The following TMEM60 variants were observed in gnomAD, a reference collection of about 807,000 sequenced individuals.
The protein encoded by TMEM60 is transmembrane protein 60.
A neutral mutation model predicts 10.7 loss-of-function variants in TMEM60; 4 were observed. The observed-to-expected ratio is 0.37, with a 90% CI of 0.18 to 0.86. The LOEUF (loss-of-function observed/expected upper bound fraction) is 0.86. Among genes scored for constraint, TMEM60 ranks in the 40% least tolerant of loss-of-function variants. The pLI, the probability that TMEM60 is intolerant of heterozygous loss-of-function variation, is 0.43. For synonymous variants in TMEM60, 56 were observed against 58.1 expected (o/e 0.96, Z 0.17); for missense variants, 128 against 153.4 (o/e 0.83, Z 0.88).
At chr7:77,795,335 C>T (rs1262758848) in intron 1 of TMEM60, among the ~76,000 whole-genome samples, 2 of 152,110 alleles carry the variant, frequency 1.3e-5, no homozygotes, top group Non-Finnish European at 2.9e-5. Context: ...GTCTGGGCAA[C>T]ATGGCGAAAC....
intron 1 of TMEM60, among the ~76,000 whole-genome samples, chr7:77,796,580 T>C (rs137913565): frequency 8.5e-5 from 13 of 152,182 alleles, no homozygotes; most frequent in Non-Finnish European, 1.9e-4. Flanking sequence ...ATAGGGTATA[T>C]GAAACTGAAA....
chr7:77,794,542 C>T, intron 1 of TMEM60, 119 bp from the exon 2 acceptor site: 1 of 605,296 alleles, frequency 1.7e-6, no homozygotes, highest in Non-Finnish European at 2.6e-6. Context: ...AAACATTCTA[C>T]TATTCTTCCT....
chr7:77,794,145 T>C lies in TMEM60; in HGVS notation c.229A>G (p.Lys77Glu), dbSNP rs1408897304. 1.2e-6 allele frequency: 2 copies of C among 1,613,356 alleles called. No homozygotes were observed. The highest frequency in any genetic ancestry group is 1.7e-6 in the Non-Finnish European group (2 of 1,179,884). ...AACATTGCAATGAGGTACCAGGCTT[T>C]TTTTTTAATATTGTGTGATCCATGT... ...PRHGSHNIKK[K>E]AWYLIAMLLK... The change falls in exon 2 of 2, where the codon AAA (lysine) becomes GAA (glutamate). Residue 77 changes from lysine to glutamate, a missense_variant. By Grantham distance (56) the Lys-to-Glu change is moderately conservative. Transcript: ENST00000257663.
chr7:77,795,178 T>C (rs1792154863), intron 1 of TMEM60, among the ~76,000 whole-genome samples: 1 of 151,636 alleles, frequency 6.6e-6, no homozygotes, highest in Non-Finnish European at 1.5e-5. Context: ...AATCCATCAA[T>C]AAAAGGAGGG....
At chr7:77,795,932 T>C (rs1792163255) in intron 1 of TMEM60, among the ~76,000 whole-genome samples, 1 of 150,264 alleles carries the variant, frequency 6.7e-6, no homozygotes, top group South Asian at 2.1e-4. Flanking sequence ...GTTGTTCTCT[T>C]TTCTAGAATT....
chr7:77,797,073 C>G (rs1276217124), intron 1 of TMEM60, among the ~76,000 whole-genome samples: 2 of 152,152 alleles, frequency 1.3e-5, no homozygotes, highest in African/African-American at 4.8e-5. Flanking sequence ...CGGCCAGAGG[C>G]TGCCATAGAG....
In TMEM60 at chr7:77,794,242, T is replaced by C. The variant is rs1792144843; in HGVS notation, c.132A>G (p.Ile44Met). 6.2e-7 allele frequency: 1 copy of C among 1,613,894 alleles called. No homozygotes were observed. The highest frequency in any genetic ancestry group is 1.1e-5 in the South Asian group (1 of 91,064). Residue 44 changes from isoleucine (I) to methionine (M), a missense_variant, in exon 2 of 2, where the codon ATA (isoleucine) becomes ATG (methionine). Physicochemically the swap from Ile to Met is conservative, Grantham distance 10. Transcript: ENST00000257663. Reference sequence around the variant, plus strand: ...GCAGGACAAGAAGGATAGTATCAAATATCCAGACTGGAATGAATATGAGGA... The same window carrying C: ...GCAGGACAAGAAGGATAGTATCAAACATCCAGACTGGAATGAATATGAGGA... The part of the protein sequence containing the change: ...NWFLIFIPVW[I>M]FDTILLVLLI...
Position 77,795,006 on chromosome 7 carries a change from T to A in TMEM60, c.-50-583A>T, listed in dbSNP as rs547418520. On this transcript the variant is annotated intron_variant, in intron 1 of 1. Coordinates refer to ENST00000257663, the MANE Select transcript of TMEM60 (RefSeq NM_032936.4). ...CTGCCTCTACAAAAAATAAAAAAAT[T>A]GGCAAGGCGTGGTGGTATGCACCTT... 1.1e-4 allele frequency among the ~76,000 whole-genome samples: 16 copies of A among 152,134 alleles called. No homozygotes were observed. In the South Asian group the frequency reaches 3.3e-3, roughly 32 times the overall value.
chr7:77,797,121 G>A (rs1389703146), intron 1 of TMEM60, among the ~76,000 whole-genome samples: 5 of 152,198 alleles, frequency 3.3e-5, no homozygotes, highest in East Asian at 1.9e-4. Context: ...GGGTTGGAGG[G>A]GTGTGTGTTG....
At chr7:77,795,512 TC>T (rs1462796364) in intron 1 of TMEM60, among the ~76,000 whole-genome samples, 1 of 117,616 alleles carries the variant, frequency 8.5e-6, no homozygotes, top group Non-Finnish European at 1.8e-5. Context: ...GAGACCACTG[TC>T]TAAAAAAAAA....
chr7:77,797,098 G>T (rs371430845), intron 1 of TMEM60, among the ~76,000 whole-genome samples: 1 of 152,196 alleles, frequency 6.6e-6, no homozygotes, highest in Non-Finnish European at 1.5e-5. Context: ...ATGTGGGACT[G>T]AATTTGGAAG....
chr7:77,797,766 A>C (rs1792216013), intron 1 of TMEM60, among the ~76,000 whole-genome samples: 1 of 152,200 alleles, frequency 6.6e-6, no homozygotes, highest in Non-Finnish European at 1.5e-5. Flanking sequence ...GCTGGGTATC[A>C]GCCCCCATTT....
chr7:77,796,395 CTACT>C (rs1792167703), intron 1 of TMEM60, among the ~76,000 whole-genome samples: 1 of 152,152 alleles, frequency 6.6e-6, no homozygotes, highest in African/African-American at 2.4e-5. Flanking sequence ...ATATGTTCCT[CTACT>C]TAAGTTTTTT....
intron 1 of TMEM60, among the ~76,000 whole-genome samples, chr7:77,795,866 A>G (rs1356438936): frequency 6.6e-6 from 1 of 151,978 alleles, no homozygotes; most frequent in East Asian, 1.9e-4. Context: ...CTAATACTAT[A>G]TGACTTAGTG....
At chr7:77,794,567 A>C (rs901344003) in intron 1 of TMEM60, 144 bp from the exon 2 acceptor site, 20 of 533,840 alleles carry the variant, frequency 3.7e-5, no homozygotes, top group Admixed American at 7.7e-5. Flanking sequence ...AATCCTCTAA[A>C]ACTTAGTGAT....
chr7:77,796,991 T>C (rs1792183180), intron 1 of TMEM60, among the ~76,000 whole-genome samples: 1 of 152,204 alleles, frequency 6.6e-6, no homozygotes. Flanking sequence ...CTTGTTTACT[T>C]AATTGGCAAA....
intron 1 of TMEM60, among the ~76,000 whole-genome samples, chr7:77,797,278 A>C (rs967469279): frequency 2.0e-5 from 3 of 152,196 alleles, no homozygotes; most frequent in African/African-American, 7.2e-5. Flanking sequence ...GGATAAGACA[A>C]GCTTCATTTT....
chr7:77,794,930 CA>C (rs2150440192), intron 1 of TMEM60, among the ~76,000 whole-genome samples: 1 of 152,174 alleles, frequency 6.6e-6, no homozygotes, highest in South Asian at 2.1e-4. Context: ...AGAAGGCAGG[CA>C]TATCATTTGA....
At chr7:77,794,752 C>T (rs1480010507) in intron 1 of TMEM60, among the ~76,000 whole-genome samples, 1 of 152,172 alleles carries the variant, frequency 6.6e-6, no homozygotes, top group African/African-American at 2.4e-5. Context: ...TCTTCCTATA[C>T]ATTTGCAAAT....
Sources: allele counts gnomAD v4.1 joint callset (sites outside exome capture counted in the v4.1 genomes callset), GRCh38; gene constraint gnomAD v4.1.1; transcripts MANE v1.5; gene names NCBI Gene and HGNC (gene_info 2026-07-23, HGNC 2026-07-21).